STK32C: variants seen among roughly 807,000 people sequenced by gnomAD.
STK32C encodes serine/threonine kinase 32C.
Under a neutral mutation model 56.5 loss-of-function variants are expected in STK32C, and 31 were observed. That is an observed-to-expected ratio of 0.55 (90% confidence interval 0.41 to 0.74). The LOEUF (loss-of-function observed/expected upper bound fraction) is 0.74, where lower values mean the gene tolerates loss of function less well. STK32C is among the 30% of genes least tolerant of loss of function. The pLI is 0.00. For synonymous variants in STK32C, 309 were observed against 289.4 expected, an observed-to-expected ratio of 1.07 and a Z score of -0.69; for missense variants, 544 against 676.9, an observed-to-expected ratio of 0.80 and a Z score of 2.18.
intron 1 of STK32C, among the ~76,000 whole-genome samples, chr10:132,273,174 C>T (rs140290323): frequency 1.4e-4 from 22 of 152,302 alleles, no homozygotes; most frequent in African/African-American, 1.9e-4. Context: ...CCAATCCACT[C>T]AGCCTTTCCA....
chr10:132,260,292 C>T (rs376550461), intron 1 of STK32C, among the ~76,000 whole-genome samples: 21 of 152,308 alleles, frequency 1.4e-4, no homozygotes, highest in African/African-American at 4.1e-4. Context: ...CCCCAGAGTC[C>T]GGCCCGGGGT....
At chr10:132,331,699 G>A in exon 1 of STK32C, 1 of 1,612,622 alleles carries the variant, frequency 6.2e-7, no homozygotes, top group Non-Finnish European at 8.5e-7. Context: ...AGCCCCGCCC[G>A]CCCCGGGCCC....
chr10:132,261,919 T>A (rs976340431), intron 1 of STK32C, among the ~76,000 whole-genome samples: 4 of 152,174 alleles, frequency 2.6e-5, no homozygotes, highest in Non-Finnish European at 5.9e-5. Context: ...ACAAAGTCAT[T>A]TTTCACAGAA....
chr10:132,288,415 G>C (rs776500820), intron 1 of STK32C, among the ~76,000 whole-genome samples: 45 of 152,364 alleles, frequency 3.0e-4, no homozygotes, highest in Admixed American at 1.0e-3. Flanking sequence ...AAAGAGGAAT[G>C]AGACAAAGAT....
intron 10 of STK32C, among the ~76,000 whole-genome samples, chr10:132,217,897 T>TA (rs1450009385): frequency 6.6e-6 from 1 of 152,152 alleles, no homozygotes; most frequent in Non-Finnish European, 1.5e-5. Flanking sequence ...AGGTATGCCT[T>TA]TATTAGCAGT....
intron 1 of STK32C, among the ~76,000 whole-genome samples, chr10:132,327,868 C>G (rs1336199207): frequency 6.6e-6 from 1 of 152,062 alleles, no homozygotes; most frequent in African/African-American, 2.4e-5. Flanking sequence ...CTCACAGGAC[C>G]CAGACTTTGG....
rs552106684 is a variant in STK32C, at chr10:132,232,748, T to G, written c.319-4620A>C. Among the ~76,000 whole-genome samples, 323 of 150,902 alleles carry G rather than the reference T, an allele frequency of 2.1e-3. 1 individual carries two copies. Among genetic ancestry groups the G allele is most frequent in the Non-Finnish European group, 3.6e-3 (242 of 67,798 alleles). ...GAGGCCACAACGCCACCCGGAGCCC[T>G]GGGCTTTTCCTATGAAACGCCACTG... On this transcript the variant is annotated intron_variant, in intron 2 of 11. Coordinates refer to ENST00000298630, the MANE Select transcript of STK32C (RefSeq NM_173575.4).
chr10:132,241,324 C>A (rs1336805569), intron 2 of STK32C, among the ~76,000 whole-genome samples: 7 of 152,230 alleles, frequency 4.6e-5, no homozygotes, highest in African/African-American at 1.7e-4. Flanking sequence ...CAGGCAGTGG[C>A]TCAACGACAA....
intron 2 of STK32C, among the ~76,000 whole-genome samples, chr10:132,243,795 C>A (rs529891411): frequency 6.6e-6 from 1 of 151,784 alleles, no homozygotes; most frequent in Non-Finnish European, 1.5e-5. Flanking sequence ...CGACTCTACC[C>A]GGTCAGACTC....
Position 132,331,644 on chromosome 10 carries a change from G to C in STK32C, c.93C>G (p.His31Gln), listed in dbSNP as rs772081131. The stretch of plus-strand genomic sequence containing the variant: ...ACAGGCAGCGAGGACCGCTCCAAAG[G>C]TGGTGCCTCAGCAGCAATTCTTTTC... The change falls in exon 1 of 2, where the codon CAC becomes CAG. Residue 31 changes from histidine (H) to glutamine (Q), a missense_variant. Transcript: ENST00000368619. 35 of 1,612,770 alleles carry C rather than the reference G, an allele frequency of 2.2e-5. No homozygotes were observed. In the South Asian group the frequency reaches 2.6e-4, roughly 12 times the overall value.
intron 2 of STK32C, among the ~76,000 whole-genome samples, chr10:132,228,451 C>A (rs913026052): frequency 6.6e-6 from 1 of 152,146 alleles, no homozygotes; most frequent in African/African-American, 2.4e-5. Context: ...TTAGTGAAGA[C>A]CCCTCCCTGA....
In STK32C at chr10:132,272,392, C is replaced by T. The variant is rs115609309; in HGVS notation, c.263-26437G>A. Among the ~76,000 whole-genome samples, 994 of 152,320 alleles carry T rather than the reference C, an allele frequency of 6.5e-3. 18 individuals carry two copies. The highest frequency in any genetic ancestry group is 0.023 in the African/African-American group (945 of 41,572). ...AAGCGGCTGTTGTTTACGCCACCCA[C>T]GAACAACCCGAGCAAATGAATACAA... is the stretch of plus-strand genomic sequence containing the variant. On this transcript the variant is annotated intron_variant, in intron 1 of 11. Transcript: ENST00000298630.
At position 132,225,540 on chromosome 10, in the gene STK32C, G is replaced by C. The variant is rs756327416; in HGVS notation, c.759C>G (p.Thr253=). 3 of 1,613,864 alleles carry C rather than the reference G, an allele frequency of 1.9e-6. No individual in the cohort carries two copies. The highest frequency in any genetic ancestry group is 2.2e-5 in the East Asian group (1 of 44,866). Residue 253 remains threonine, a synonymous_variant, in exon 6 of 12, where the codon ACC becomes ACG. Coordinates refer to ENST00000298630, the MANE Select transcript of STK32C (RefSeq NM_173575.4). ...GCTCGGGCTCACCCATGTACGGCTT[G>C]GTGCCTGCTAATGCCGTCGCCCGCT... ...DGERATALAG[T]KPYMAPEIFH...
At chr10:132,246,059 C>G in intron 1 of STK32C, 104 bp from the exon 2 acceptor site, 1 of 1,184,494 alleles carries the variant, frequency 8.4e-7, no homozygotes, top group Admixed American at 1.7e-5. Flanking sequence ...GCCCAGGGCC[C>G]CTCATCCTAG....
intron 3 of STK32C, 94 bp downstream of exon 3, chr10:132,227,883 G>T: frequency 6.7e-7 from 1 of 1,493,466 alleles, no homozygotes; most frequent in East Asian, 2.4e-5. Flanking sequence ...CGAGGCACGA[G>T]GGCCAAGGAG....
At chr10:132,313,320 T>C (rs974260845) in intron 1 of STK32C, among the ~76,000 whole-genome samples, 1 of 152,202 alleles carries the variant, frequency 6.6e-6, no homozygotes, top group African/African-American at 2.4e-5. Flanking sequence ...ATGAGCAACA[T>C]TAAACGCCGT....
intron 1 of STK32C, among the ~76,000 whole-genome samples, chr10:132,256,717 GC>G: frequency 6.6e-6 from 1 of 152,286 alleles, no homozygotes; most frequent in South Asian, 2.1e-4. Context: ...ACTGCGCAGG[GC>G]CCAGCACCCC....
At chr10:132,246,509 T>G (rs2063698367) in intron 1 of STK32C, among the ~76,000 whole-genome samples, 1 of 152,222 alleles carries the variant, frequency 6.6e-6, no homozygotes, top group African/African-American at 2.4e-5. Flanking sequence ...GGCTCAGGGC[T>G]GTGGCTATGT....
chr10:132,290,262 C>T (rs1360192804), intron 1 of STK32C, among the ~76,000 whole-genome samples: 2 of 152,234 alleles, frequency 1.3e-5, no homozygotes. Context: ...ATGGTCAAAA[C>T]GCCCAACCTC....
Sources: gnomAD v4.1 joint callset for allele counts (sites outside exome capture counted in the v4.1 genomes callset) on GRCh38, gnomAD v4.1.1 for gene constraint, MANE v1.5 for transcripts, NCBI Gene and HGNC (gene_info 2026-07-23, HGNC 2026-07-21) for gene names.